The following NEURL1 variants were observed in gnomAD, a reference collection of about 807,000 sequenced individuals.
NEURL1 encodes the protein neuralized E3 ubiquitin protein ligase 1.
A neutral mutation model predicts 41.2 loss-of-function variants in NEURL1; 26 were observed. The ratio of observed to expected loss-of-function variants is 0.63; its 90% CI spans 0.46 to 0.87. NEURL1 has a LOEUF of 0.87. Among genes scored for constraint, NEURL1 ranks in the 40% least tolerant of loss-of-function variants. NEURL1 has a pLI of 0.00. For missense variants in NEURL1, 761 were observed against 871.1 expected, an observed-to-expected ratio of 0.87 and a Z score of 1.59; for synonymous variants, 400 against 402.3, an observed-to-expected ratio of 0.99 and a Z score of 0.07.
rs529568437 is a variant in NEURL1 at position 103,545,743 on chromosome 10, C to A, written c.86-25129C>A. ...TGCTCCTGCAAGGGACTGCCACACC[C>A]TTTTTCTTTCTGGAGCATTTTCAGG... On this transcript the variant is annotated intron_variant, in intron 1 of 5. Coordinates refer to ENST00000369780, the MANE Select transcript of NEURL1 (RefSeq NM_004210.5). This position sits in a 1 kb window ranked among gnomAD's most constrained non-coding sequence, Gnocchi z 4.5. 6.6e-6 allele frequency among the ~76,000 whole-genome samples: 1 copy of A among 152,356 alleles called. No homozygotes were observed. The highest frequency in any genetic ancestry group is 2.4e-5 in the African/African-American group (1 of 41,586).
chr10:103,511,135 T>C (rs1322941341), intron 1 of NEURL1, among the ~76,000 whole-genome samples: 1 of 152,110 alleles, frequency 6.6e-6, no homozygotes, highest in Non-Finnish European at 1.5e-5. Flanking sequence ...GCTTTCCAGG[T>C]CTAGGGCAAT....
intron 1 of NEURL1, among the ~76,000 whole-genome samples, chr10:103,539,061 C>T (rs538529936): frequency 6.6e-6 from 1 of 152,164 alleles, no homozygotes; most frequent in South Asian, 2.1e-4. Context: ...ATTCTCCCAC[C>T]TCAGCCTCCT....
intron 1 of NEURL1, among the ~76,000 whole-genome samples, chr10:103,557,813 G>T (rs958201695): frequency 3.3e-5 from 5 of 152,232 alleles, no homozygotes; most frequent in Admixed American, 3.3e-4. Context: ...CTTCCTAGGG[G>T]TGCCGTAGCC....
chr10:103,505,158 A>T (rs1185911543), intron 1 of NEURL1, among the ~76,000 whole-genome samples: 1 of 151,248 alleles, frequency 6.6e-6, no homozygotes, highest in Non-Finnish European at 1.5e-5. Context: ...GGCTCAAGCA[A>T]TCCTCCCACC....
intron 1 of NEURL1, chr10:103,517,402 A>T (rs1006223271): frequency 6.6e-6 from 1 of 152,186 alleles, no homozygotes; most frequent in African/African-American, 2.4e-5. Flanking sequence ...ATGACCTCCT[A>T]CTGTGTACCA....
intron 1 of NEURL1, among the ~76,000 whole-genome samples, chr10:103,505,220 ATTTTTTT>A (rs34595199): frequency 3.1e-5 from 4 of 128,642 alleles, no homozygotes; most frequent in Admixed American, 1.6e-4. Context: ...AGCCCAGCTA[ATTTTTTT>A]TTTTTTTTTT....
At position 103,583,183 on chromosome 10, in the gene NEURL1, C is replaced by A. The variant is rs569147905; in HGVS notation, c.650-1353C>A. 1.3e-4 allele frequency among the ~76,000 whole-genome samples: 20 copies of A among 152,078 alleles called. No individual in the cohort carries two copies. The East Asian group carries it at 3.3e-3, about 25-fold the overall frequency. ...ATGCTGGGGATAAGATGGAAGGAGC[C>A]CAGGAGTTAAATTTTTGAAAATTTT... On this transcript the variant is annotated intron_variant, in intron 3 of 5. Transcript: ENST00000369780.
rs2034006686 is a variant in NEURL1, at chr10:103,508,937, C to T, written c.85+14465C>T. Reference sequence around the variant, plus strand: ...CAGGGTCAGGTGCGGTGGCTCATGTCTGTAATCCCAGCACTTTGGGTGGCT... The same window carrying T: ...CAGGGTCAGGTGCGGTGGCTCATGTTTGTAATCCCAGCACTTTGGGTGGCT... On this transcript the variant is annotated intron_variant, in intron 1 of 5. Transcript: ENST00000369780. This position sits in a 1 kb window ranked among gnomAD's most constrained non-coding sequence, Gnocchi z 4.3. Among the ~76,000 whole-genome samples, 1 of 152,170 alleles carries T rather than the reference C, an allele frequency of 6.6e-6. No homozygotes were observed. The highest frequency in any genetic ancestry group is 2.1e-4 in the South Asian group (1 of 4,820).
intron 1 of NEURL1, among the ~76,000 whole-genome samples, chr10:103,526,928 CTT>C (rs112480877): frequency 1.4e-5 from 2 of 147,244 alleles, no homozygotes. Flanking sequence ...GTGGTATCAT[CTT>C]TTTTTTTTTT....
At chr10:103,506,006 G>T (rs2033938161) in intron 1 of NEURL1, among the ~76,000 whole-genome samples, 1 of 152,216 alleles carries the variant, frequency 6.6e-6, no homozygotes, top group South Asian at 2.1e-4. Context: ...GGGATGGGGG[G>T]ACAGAAGAGG....
rs2033998955 is a variant in NEURL1 at position 103,508,564 on chromosome 10, C to G, written c.85+14092C>G. 6.6e-6 allele frequency among the ~76,000 whole-genome samples: 1 copy of G among 152,192 alleles called. No individual in the cohort carries two copies. The highest frequency in any genetic ancestry group is 2.4e-5 in the African/African-American group (1 of 41,450). ...GCAAGTCCCATGCAGGAAACCCCCT[C>G]TTTGGAGGGCTGAGAGGGCTTAGCC... On this transcript the variant is annotated intron_variant, in intron 1 of 5. Transcript: ENST00000369780. This position sits in a 1 kb window ranked among gnomAD's most constrained non-coding sequence, Gnocchi z 4.3.
rs191114254 is a variant in NEURL1 at position 103,533,763 on chromosome 10, G to C, written c.86-37109G>C. Among the ~76,000 whole-genome samples, 1,190 of 152,112 alleles carry C rather than the reference G, an allele frequency of 7.8e-3. 7 individuals are homozygous for C. Among genetic ancestry groups the C allele is most frequent in the South Asian group, 0.011 (53 of 4,802 alleles). On this transcript the variant is annotated intron_variant, in intron 1 of 5. Coordinates refer to ENST00000369780, the MANE Select transcript of NEURL1 (RefSeq NM_004210.5). ...GTGTTAGCCAGGATGGTCTCGATCT[G>C]CTGACCTTCTGATCCGCCCGCCTTG... is the stretch of plus-strand genomic sequence containing the variant.
intron 1 of NEURL1, among the ~76,000 whole-genome samples, chr10:103,532,936 T>C (rs2034603343): frequency 7.1e-6 from 1 of 141,654 alleles, no homozygotes. Context: ...TTTTTTTTTT[T>C]TTTTTTTTGA....
At chr10:103,499,397 C>G (rs1264141098) in intron 1 of NEURL1, among the ~76,000 whole-genome samples, 2 of 151,752 alleles carry the variant, frequency 1.3e-5, no homozygotes, top group Non-Finnish European at 2.9e-5. Context: ...CCCTCCCTCC[C>G]TCCTTCCCTC....
rs3068767 is a variant in NEURL1, at chr10:103,558,503, CTGTGTG to C, written c.86-12329_86-12324del. On this transcript the variant is annotated intron_variant, in intron 1 of 5. Coordinates refer to ENST00000369780, the MANE Select transcript of NEURL1 (RefSeq NM_004210.5). This position sits in a 1 kb window ranked among gnomAD's most constrained non-coding sequence, Gnocchi z 4.2. ...GTGGTACTCTGTGCCTGTGCCATGC[CTGTGTG>C]TGTGTGTGTGTGTGTGTGTGTGTGT... Among the ~76,000 whole-genome samples, 17,706 of 131,848 alleles carry C rather than the reference CTGTGTG, an allele frequency of 0.13. 1,266 individuals carry two copies. The highest frequency in any genetic ancestry group is 0.18 in the Non-Finnish European group (11,331 of 61,758). The allele number at this position is 131,848 out of a possible 152,430, so 86.5% of individuals were successfully genotyped here. A position where few individuals can be genotyped will look rare whatever the true frequency, so the allele number is the denominator to read the frequency against.
intron 1 of NEURL1, among the ~76,000 whole-genome samples, chr10:103,553,325 G>A (rs1415253985): frequency 6.6e-6 from 1 of 152,196 alleles, no homozygotes; most frequent in Non-Finnish European, 1.5e-5. Context: ...GACAAAAGGA[G>A]TTTGGCTTAC....
At chr10:103,571,899 A>G in intron 3 of NEURL1, 77 bp downstream of exon 3, 2 of 1,398,400 alleles carry the variant, frequency 1.4e-6, no homozygotes, top group Admixed American at 2.1e-5. Context: ...GGCACTGTTC[A>G]ATCCCATCAG....
chr10:103,514,742 C>G (rs908734579), intron 1 of NEURL1, among the ~76,000 whole-genome samples: 1 of 152,156 alleles, frequency 6.6e-6, no homozygotes, highest in Non-Finnish European at 1.5e-5. Context: ...GGGGCAGCTA[C>G]TTCAAAACCC....
At chr10:103,530,617 T>C (rs999235009) in intron 1 of NEURL1, among the ~76,000 whole-genome samples, 1 of 152,040 alleles carries the variant, frequency 6.6e-6, no homozygotes, top group East Asian at 1.9e-4. Context: ...TTGGGCTCAC[T>C]GCAACCTCTG....
Sources: gnomAD v4.1 joint callset for allele counts (sites outside exome capture counted in the v4.1 genomes callset) on GRCh38, gnomAD v4.1.1 for gene constraint, Gnocchi (gnomAD v3.1) non-coding constraint, MANE v1.5 for transcripts, NCBI Gene and HGNC (gene_info 2026-07-23, HGNC 2026-07-21) for gene names.